Variants in FSTL5 observed in about 807,000 individuals in gnomAD.
The protein encoded by FSTL5 is follistatin-related protein 5.
In FSTL5, 62 loss-of-function variants were observed where a neutral mutation model predicts 89.1. The observed-to-expected ratio is 0.70, with a 90% CI of 0.57 to 0.86. FSTL5 has a LOEUF of 0.86. Ranked by LOEUF, FSTL5 falls within the 40% of genes least tolerant of loss-of-function variation. FSTL5 has a pLI of 0.00. For missense variants in FSTL5, 1,057 were observed against 1,001.6 expected (o/e 1.06, Z -0.75); for synonymous variants, 383 against 346.2 (o/e 1.11, Z -1.18).
intron 3 of FSTL5, among the ~76,000 whole-genome samples, chr4:162,027,726 T>G (rs1737352498): frequency 6.6e-6 from 1 of 152,064 alleles, no homozygotes; most frequent in African/African-American, 2.4e-5. Flanking sequence ...AAGTCAAGTA[T>G]AAAGTTAAGT....
intron 4 of FSTL5, among the ~76,000 whole-genome samples, chr4:161,889,261 T>C (rs1030268868): frequency 1.1e-4 from 17 of 152,302 alleles, no homozygotes; most frequent in Middle Eastern, 3.4e-3. Context: ...CCTATTTTAT[T>C]ATAATACTAT....
chr4:161,986,694 C>T (rs1735972829), intron 3 of FSTL5, among the ~76,000 whole-genome samples: 1 of 152,010 alleles, frequency 6.6e-6, no homozygotes, highest in Non-Finnish European at 1.5e-5. Context: ...AGAGTGGAGG[C>T]CAATTTTTTC....
chr4:161,890,883 T>C (rs149137227), intron 4 of FSTL5, among the ~76,000 whole-genome samples: 2 of 152,250 alleles, frequency 1.3e-5, no homozygotes, highest in East Asian at 3.9e-4. Context: ...TTTCTCCCCA[T>C]GTGCCTCTTT....
rs79463950 is a variant in FSTL5 at position 161,428,390 on chromosome 4, C to G, written c.1841+26614G>C. The stretch of plus-strand genomic sequence containing the variant: ...TGACCTAGTGAGACACTGGCCTAGG[C>G]GACCTAGGGCGTGGTTGCACCACCC... On this transcript the variant is annotated intron_variant, in intron 15 of 15. Coordinates refer to ENST00000306100, the MANE Select transcript of FSTL5 (RefSeq NM_020116.5). 3.5e-3 allele frequency among the ~76,000 whole-genome samples: 528 copies of G among 152,304 alleles called. 13 individuals carry two copies. The East Asian group carries it at 0.054, about 16-fold the overall frequency.
intron 6 of FSTL5, among the ~76,000 whole-genome samples, chr4:161,707,292 AC>A (rs1297201228): frequency 6.6e-6 from 1 of 151,868 alleles, no homozygotes; most frequent in Non-Finnish European, 1.5e-5. Flanking sequence ...AGTTTCTTGG[AC>A]AAATTCCTAT....
chr4:161,893,012 C>A (rs1011876255), intron 4 of FSTL5, among the ~76,000 whole-genome samples: 12 of 152,098 alleles, frequency 7.9e-5, no homozygotes, highest in African/African-American at 2.9e-4. Flanking sequence ...TGTTTTCCCA[C>A]CAGAGCTAAA....
chr4:161,748,944 A>T (rs558298811), intron 6 of FSTL5, among the ~76,000 whole-genome samples: 1 of 152,304 alleles, frequency 6.6e-6, no homozygotes, highest in Admixed American at 6.5e-5. Context: ...ATCACTAAGC[A>T]TCGGATAAAT....
intron 3 of FSTL5, among the ~76,000 whole-genome samples, chr4:161,930,883 G>A (rs565918424): frequency 2.0e-5 from 3 of 151,788 alleles, no homozygotes; most frequent in East Asian, 1.9e-4. Flanking sequence ...TCCTTTCCCG[G>A]AGCAAAAGAC....
At chr4:161,487,281 TACTC>T (rs1272133619) in intron 12 of FSTL5, among the ~76,000 whole-genome samples, 2 of 152,172 alleles carry the variant, frequency 1.3e-5, no homozygotes, top group Non-Finnish European at 2.9e-5. Flanking sequence ...TGGTGTATGT[TACTC>T]AATCACGATG....
rs749616406 is a variant in FSTL5, at chr4:161,776,071, T to C, written c.413A>G (p.Asp138Gly). 6 of 1,463,398 alleles carry C rather than the reference T, an allele frequency of 4.1e-6. No homozygotes were observed. The highest frequency in any genetic ancestry group is 1.4e-5 in the South Asian group (1 of 71,432). 90.7% of individuals were successfully genotyped at this position (1,463,398 alleles called of 1,614,324 possible). A position where few individuals can be genotyped will look rare whatever the true frequency, so the allele number is the denominator to read the frequency against. ...GCTGTATTCAGTAGTCTTGCACTTA[T>C]CTCCTGTAACAAAAGAACTAGTTAT... The part of the protein sequence containing the change: ...VHNEDCFFKG[D>G]KCKTTEYSKM... The change falls in exon 5 of 16, where the codon GAT becomes GGT. Residue 138 changes from aspartate (D) to glycine (G), a missense_variant. Transcript: ENST00000306100.
intron 8 of FSTL5, among the ~76,000 whole-genome samples, chr4:161,573,046 A>G (rs1193823530): frequency 6.6e-6 from 1 of 152,228 alleles, no homozygotes; most frequent in Non-Finnish European, 1.5e-5. Flanking sequence ...TAGATGGTCA[A>G]AGGACAGTTT....
chr4:162,134,486 T>G (rs530552663), intron 1 of FSTL5, among the ~76,000 whole-genome samples: 1 of 152,134 alleles, frequency 6.6e-6, no homozygotes. Context: ...ATTTCAAAAA[T>G]ATTTTCATTT....
intron 2 of FSTL5, among the ~76,000 whole-genome samples, chr4:162,105,686 CAT>C (rs1311103873): frequency 2.0e-5 from 3 of 152,006 alleles, no homozygotes; most frequent in Admixed American, 1.3e-4. Context: ...ACAGAATAAA[CAT>C]ATCAATATAT....
At chr4:161,728,891 G>C (rs1040868545) in intron 6 of FSTL5, among the ~76,000 whole-genome samples, 1 of 151,974 alleles carries the variant, frequency 6.6e-6, no homozygotes. Context: ...GAAAGATGCC[G>C]CTACCACCTG....
At chr4:161,854,502 A>C (rs1731659448) in intron 4 of FSTL5, among the ~76,000 whole-genome samples, 1 of 152,196 alleles carries the variant, frequency 6.6e-6, no homozygotes, top group African/African-American at 2.4e-5. Flanking sequence ...CACCAGCCTA[A>C]GAGAACAAAA....
intron 3 of FSTL5, among the ~76,000 whole-genome samples, chr4:162,033,316 CACA>C (rs1457355136): frequency 6.6e-6 from 1 of 152,072 alleles, no homozygotes; most frequent in Non-Finnish European, 1.5e-5. Context: ...ATAGAAGTGA[CACA>C]ACACCAACTC....
intron 7 of FSTL5, among the ~76,000 whole-genome samples, chr4:161,653,800 A>T (rs2126679993): frequency 6.6e-6 from 1 of 152,264 alleles, no homozygotes; most frequent in East Asian, 1.9e-4. Flanking sequence ...GTACTTAAAC[A>T]AAAACACCAG....
intron 7 of FSTL5, among the ~76,000 whole-genome samples, chr4:161,639,036 A>G (rs1414690914): frequency 1.3e-5 from 2 of 151,688 alleles, no homozygotes; most frequent in Non-Finnish European, 2.9e-5. Flanking sequence ...ACCCACAGCC[A>G]ATATCATACT....
rs112736192 is a variant in FSTL5, at chr4:161,395,302, C to T, written c.1842-8853G>A. Among the ~76,000 whole-genome samples the T allele has an allele frequency of 5.9e-3, 887 of 151,418 alleles. 4 individuals carry two copies. Among genetic ancestry groups the T allele is most frequent in the African/African-American group, 0.02 (814 of 41,248 alleles). On this transcript the variant is annotated intron_variant, in intron 15 of 15. Coordinates refer to ENST00000306100, the MANE Select transcript of FSTL5 (RefSeq NM_020116.5). ...GAATAATTTGAAATGTCAAGGGGCA[C>T]AAAATAATATAAAATTAATACATTT...
Sources: allele counts gnomAD v4.1 joint callset (sites outside exome capture counted in the v4.1 genomes callset), GRCh38; gene constraint gnomAD v4.1.1; transcripts MANE v1.5; gene names NCBI Gene and HGNC (gene_info 2026-07-23, HGNC 2026-07-21).